Variants in PAFAH1B1 observed in about 807,000 individuals in gnomAD.
PAFAH1B1 encodes the protein platelet activating factor acetylhydrolase 1b regulatory subunit 1.
A neutral mutation model predicts 57.5 loss-of-function variants in PAFAH1B1; 2 were observed. The observed-to-expected ratio is 0.03, with a 90% confidence interval of 0.01 to 0.11. The LOEUF (loss-of-function observed/expected upper bound fraction) is 0.11. Among genes scored for constraint, PAFAH1B1 ranks in the 10% least tolerant of loss-of-function variants. The pLI is 1.00. For missense variants in PAFAH1B1, 257 were observed against 512.0 expected (o/e 0.50, Z 4.81); for synonymous variants, 152 against 169.6 (o/e 0.90, Z 0.81).
intron 4 of PAFAH1B1, 82 bp from the exon 5 acceptor site, chr17:2,666,910 C>T: frequency 9.7e-7 from 1 of 1,032,398 alleles, no homozygotes; most frequent in Non-Finnish European, 1.5e-6. Flanking sequence ...TACATAGTTG[C>T]AAAATAAAGG....
intron 1 of PAFAH1B1, among the ~76,000 whole-genome samples, chr17:2,633,433 G>C (rs1480790514): frequency 1.3e-5 from 2 of 151,316 alleles, no homozygotes; most frequent in Non-Finnish European, 2.9e-5. Flanking sequence ...CTCCCAAAGT[G>C]CTGGGATTAC....
chr17:2,634,900 A>G (rs757763154), intron 1 of PAFAH1B1, among the ~76,000 whole-genome samples: 1 of 152,192 alleles, frequency 6.6e-6, no homozygotes, highest in Non-Finnish European at 1.5e-5. Context: ...GTGGTGGCTC[A>G]AGCCTGTAAT....
chr17:2,616,986 TGG>T (rs2068351677), intron 1 of PAFAH1B1, among the ~76,000 whole-genome samples: 2 of 151,624 alleles, frequency 1.3e-5, no homozygotes, highest in African/African-American at 4.8e-5. Flanking sequence ...GGCAGGAGAA[TGG>T]TGTGAACCCG....
At position 2,681,736 on chromosome 17, in the gene PAFAH1B1, C is replaced by T. The variant is rs1597582230; in HGVS notation, c.1167C>T (p.His389=). 6.2e-7 allele frequency: 1 copy of T among 1,612,856 alleles called. No homozygotes were observed. The highest frequency in any genetic ancestry group is 1.3e-5 in the African/African-American group (1 of 74,964). Residue 389 remains histidine, a synonymous_variant, in exon 11 of 11, where the codon CAC becomes CAT. Transcript: ENST00000397195. ...HEHFVTSLDF[H]KTAPYVVTGS... is the part of the protein sequence containing the mutation. Reference sequence around the variant, plus strand: ...CATTTCTTTTTCTTTCAGATTTCCACAAGACGGCACCCTATGTCGTCACTG... The same window carrying T: ...CATTTCTTTTTCTTTCAGATTTCCATAAGACGGCACCCTATGTCGTCACTG...
intron 9 of PAFAH1B1, among the ~76,000 whole-genome samples, chr17:2,677,952 T>C (rs2151671281): frequency 6.6e-6 from 1 of 152,156 alleles, no homozygotes; most frequent in South Asian, 2.1e-4. Context: ...TAAGAAAAGA[T>C]GATATATAAT....
At chr17:2,633,711 A>G (rs1382723325) in intron 1 of PAFAH1B1, among the ~76,000 whole-genome samples, 1 of 152,150 alleles carries the variant, frequency 6.6e-6, no homozygotes, top group Non-Finnish European at 1.5e-5. Context: ...CTTGCTGAGT[A>G]CAACAGACCC....
chr17:2,672,416 G>A (rs968924221), intron 6 of PAFAH1B1, among the ~76,000 whole-genome samples: 2 of 149,818 alleles, frequency 1.3e-5, no homozygotes, highest in Non-Finnish European at 3.0e-5. Context: ...TAAACCATTT[G>A]TACAGGTTGA....
intron 2 of PAFAH1B1, among the ~76,000 whole-genome samples, chr17:2,656,509 C>T (rs895098104): frequency 6.6e-6 from 1 of 151,804 alleles, no homozygotes; most frequent in Admixed American, 6.6e-5. Context: ...CATCAGGTGG[C>T]AGTGAATGAC....
At chr17:2,603,616 T>C (rs996874452) in intron 1 of PAFAH1B1, among the ~76,000 whole-genome samples, 2 of 152,058 alleles carry the variant, frequency 1.3e-5, no homozygotes, top group African/African-American at 4.8e-5. Context: ...AGCAAAACTT[T>C]TGTCTCAAGG....
At chr17:2,671,569 A>ATTT (rs35904559) in intron 6 of PAFAH1B1, among the ~76,000 whole-genome samples, 7 of 135,696 alleles carry the variant, frequency 5.2e-5, no homozygotes, top group African/African-American at 2.0e-4. Flanking sequence ...TTTCTAATGC[A>ATTT]TTTTTTTTTT....
In PAFAH1B1 at chr17:2,626,553, T is replaced by TC. The variant is rs764519686; in HGVS notation, c.-190-11528dup. Among the ~76,000 whole-genome samples, 15 of 32,728 alleles carry TC rather than the reference T, an allele frequency of 4.6e-4. 1 individual carries two copies. The highest frequency in any genetic ancestry group is 7.7e-4 in the Non-Finnish European group (12 of 15,652). The allele number at this position is 32,728 out of a possible 152,430, so 21.5% of individuals were successfully genotyped here. On this transcript the variant is annotated intron_variant, in intron 1 of 10. Transcript: ENST00000397195. ...AAACTTGAACCGGCATCACCTTTCT[T>TC]CCCCCCCCCCCCCCCCCCGAGGCGG... is the stretch of plus-strand genomic sequence containing the variant.
chr17:2,662,563 C>T (rs973605355), intron 2 of PAFAH1B1, among the ~76,000 whole-genome samples: 3 of 151,648 alleles, frequency 2.0e-5, no homozygotes, highest in African/African-American at 7.3e-5. Flanking sequence ...GCCACCATAC[C>T]CGGCTAATTT....
chr17:2,670,096 A>T, intron 5 of PAFAH1B1, 67 bp from the exon 6 acceptor site: 1 of 1,346,312 alleles, frequency 7.4e-7, no homozygotes. Context: ...TGGCCTGCTG[A>T]GTGCAAATGT....
At chr17:2,631,129 T>C (rs945570667) in intron 1 of PAFAH1B1, among the ~76,000 whole-genome samples, 2 of 151,804 alleles carry the variant, frequency 1.3e-5, no homozygotes, top group African/African-American at 4.8e-5. Context: ...TAATCCCAGC[T>C]ACTCAGGAGG....
Position 2,684,781 on chromosome 17 carries a change from G to A in PAFAH1B1, c.*2979G>A, listed in dbSNP as rs890049436. On this transcript the variant is annotated 3_prime_UTR_variant, in exon 11 of 11. Transcript: ENST00000397195. The stretch of plus-strand genomic sequence containing the variant: ...TAGTGTTAGCAAGTCGTCCCGGGCT[G>A]GGGAGCGTTCGCCGTAGTCTTTGGA... 1.3e-5 allele frequency: 2 copies of A among 152,630 alleles called. No homozygotes were observed. The highest frequency in any genetic ancestry group is 6.5e-5 in the Admixed American group (1 of 15,270). 9.5% of individuals were successfully genotyped at this position (152,630 alleles called of 1,614,324 possible).
chr17:2,593,489 G>A (rs2068044144), upstream of PAFAH1B1, among the ~76,000 whole-genome samples: 1 of 151,594 alleles, frequency 6.6e-6, no homozygotes. Context: ...CCGCCCGCCC[G>A]CTAGAAGGCA....
At position 2,682,267 on chromosome 17, in the gene PAFAH1B1, C is replaced by T. The variant is rs1229666303; in HGVS notation, c.*465C>T. 2 of 153,674 alleles carry T rather than the reference C, an allele frequency of 1.3e-5. No individual in the cohort carries two copies. Among genetic ancestry groups the T allele is most frequent in the Admixed American group, 6.5e-5 (1 of 15,426 alleles). 9.5% of individuals were successfully genotyped at this position (153,674 alleles called of 1,614,324 possible). ...CATCACTTAAGTGTGCTTAATAAATCTTCTGTAAGGATTTTAGATGATAAG... is the reference window on the plus strand; with the variant it reads ...CATCACTTAAGTGTGCTTAATAAATTTTCTGTAAGGATTTTAGATGATAAG... On this transcript the variant is annotated 3_prime_UTR_variant, in exon 11 of 11. Coordinates refer to ENST00000397195, the MANE Select transcript of PAFAH1B1 (RefSeq NM_000430.4).
intron 1 of PAFAH1B1, among the ~76,000 whole-genome samples, chr17:2,632,513 A>G (rs2068567793): frequency 6.6e-6 from 1 of 152,064 alleles, no homozygotes; most frequent in African/African-American, 2.4e-5. Context: ...GTTTTATAGG[A>G]CTTTTCACAG....
chr17:2,610,940 C>G (rs542984451), intron 1 of PAFAH1B1, among the ~76,000 whole-genome samples: 5 of 152,176 alleles, frequency 3.3e-5, no homozygotes, highest in Non-Finnish European at 5.9e-5. Context: ...GCTTTTTAAC[C>G]TCCTTGGCAG....
Sources: allele counts gnomAD v4.1 joint callset (sites outside exome capture counted in the v4.1 genomes callset), GRCh38; gene constraint gnomAD v4.1.1; transcripts MANE v1.5; gene names NCBI Gene and HGNC (gene_info 2026-07-23, HGNC 2026-07-21).